The following NUP214 variants were observed in gnomAD, a reference collection of about 807,000 sequenced individuals.
NUP214 encodes nucleoporin 214.
Under a neutral mutation model 196.2 loss-of-function variants are expected in NUP214, and 79 were observed. That is an observed-to-expected ratio of 0.40 (90% CI 0.34 to 0.49). The LOEUF is 0.49. Among genes scored for constraint, NUP214 ranks in the 20% least tolerant of loss-of-function variants. The probability of loss-of-function intolerance (pLI) is 0.58; values close to 1 mark genes in which losing one functional copy is unlikely to be tolerated. For synonymous variants in NUP214, 1,020 were observed against 990.5 expected (o/e 1.03, Z -0.56); for missense variants, 2,468 against 2,539.0 (o/e 0.97, Z 0.60).
At chr9:131,162,038 GCAT>G (rs1470173004) in intron 18 of NUP214, among the ~76,000 whole-genome samples, 2 of 152,044 alleles carry the variant, frequency 1.3e-5, no homozygotes, top group Non-Finnish European at 2.9e-5. Context: ...TTATCAGCCA[GCAT>G]TAGTATATTT....
rs1832279410 is a variant in NUP214 at position 131,151,907 on chromosome 9, T to A, written c.2436+13T>A. ...AGCTCAGCTTCAGGTAGGAGATCTATGTAAATCTGTTTAAAAGATTTAAAA... is the reference window on the plus strand; with the variant it reads ...AGCTCAGCTTCAGGTAGGAGATCTAAGTAAATCTGTTTAAAAGATTTAAAA... On this transcript the variant is annotated intron_variant, in intron 17 of 35. Coordinates refer to ENST00000359428, the MANE Select transcript of NUP214 (RefSeq NM_005085.4). 1 of 1,570,502 alleles carries A rather than the reference T, an allele frequency of 6.4e-7. No individual in the cohort carries two copies. Among genetic ancestry groups the A allele is most frequent in the Non-Finnish European group, 8.6e-7 (1 of 1,162,856 alleles).
chr9:131,163,010 C>T lies in NUP214; in HGVS notation c.2560C>T (p.Arg854Ter), dbSNP rs1162868768. The change falls in exon 19 of 36, where the codon CGA (arginine) becomes TGA (stop). Residue 854 changes from arginine (R) to a stop codon, truncating the protein, a stop_gained. Transcript: ENST00000359428. LOFTEE classifies it high-confidence loss of function. ...CAACAGGCACCTGCTTGTGCCAGAG[C>T]GAGAGACACTGTTTAACACCCTAGC... is the stretch of plus-strand genomic sequence containing the variant. ...KKQRHLLVPE[R>*]ETLFNTLANN... is the part of the protein sequence containing the mutation. 6.2e-7 allele frequency: 1 copy of T among 1,614,130 alleles called. No individual in the cohort carries two copies. The highest frequency in any genetic ancestry group is 8.5e-7 in the Non-Finnish European group (1 of 1,180,004).
intron 5 of NUP214, among the ~76,000 whole-genome samples, chr9:131,131,310 T>C (rs1831538691): frequency 6.6e-6 from 1 of 152,266 alleles, no homozygotes; most frequent in Non-Finnish European, 1.5e-5. Flanking sequence ...AGAAAATGGA[T>C]ACTCTTGTTG....
chr9:131,129,682 C>T (rs1287866025), intron 4 of NUP214, among the ~76,000 whole-genome samples: 2 of 152,048 alleles, frequency 1.3e-5, no homozygotes, highest in Non-Finnish European at 2.9e-5. Flanking sequence ...TCAGCCACTG[C>T]AACCTCCACC....
At chr9:131,183,273 C>T (rs1044275127) in intron 24 of NUP214, among the ~76,000 whole-genome samples, 1 of 152,116 alleles carries the variant, frequency 6.6e-6, no homozygotes, top group Non-Finnish European at 1.5e-5. Context: ...TTGGTAGAGA[C>T]GGGGTTTCGC....
intron 27 of NUP214, 104 bp downstream of exon 27, chr9:131,192,396 A>T: frequency 1.5e-6 from 1 of 673,606 alleles, no homozygotes; most frequent in Non-Finnish European, 2.5e-6. Context: ...GTATGAACCC[A>T]GAGTTCTTAC....
chr9:131,215,316 C>G lies in NUP214; in HGVS notation c.5697C>G (p.Asn1899Lys). 1 of 1,608,810 alleles carries G rather than the reference C, an allele frequency of 6.2e-7. No individual in the cohort carries two copies. ...LGGKPSQDAA[N>K]KNPFSSASGG... ...GAAAACCCAGTCAGGATGCAGCCAACAAAAACCCATTCAGCTCGGCCAGTG... is the reference window on the plus strand; with the variant it reads ...GAAAACCCAGTCAGGATGCAGCCAAGAAAAACCCATTCAGCTCGGCCAGTG... The change falls in exon 31 of 36, where the codon AAC becomes AAG. Residue 1899 changes from asparagine to lysine, a missense_variant. By Grantham distance (94) the Asn-to-Lys change is moderately conservative (BLOSUM62 0). Around this residue, in one of 5 missense-constraint regions of NUP214, gnomAD observed 262 missense variants for 296.5 expected, o/e 0.88. Coordinates refer to ENST00000359428, the MANE Select transcript of NUP214 (RefSeq NM_005085.4).
chr9:131,227,561 TA>T (rs926623372), intron 32 of NUP214, among the ~76,000 whole-genome samples: 9 of 151,552 alleles, frequency 5.9e-5, no homozygotes, highest in African/African-American at 2.2e-4. Flanking sequence ...AGGCTGTAAA[TA>T]AATAAAAAGC....
Position 131,139,496 on chromosome 9 carries a change from T to G in NUP214, c.1132+89T>G. The G allele has an allele frequency of 1.9e-6, 3 of 1,549,776 alleles. No individual in the cohort carries two copies. The African/African-American group carries it at 4.2e-5, about 22-fold the overall frequency. ...CACCAGTTACATGTTACTGACAGAG[T>G]CTACTCTGCTGGGCACTTGTAGCTT... On this transcript the variant is annotated intron_variant, in intron 10 of 35. Coordinates refer to ENST00000359428, the MANE Select transcript of NUP214 (RefSeq NM_005085.4).
At chr9:131,159,872 C>A (rs1286846925) in intron 18 of NUP214, among the ~76,000 whole-genome samples, 7 of 147,000 alleles carry the variant, frequency 4.8e-5, no homozygotes, top group Admixed American at 6.7e-5. Flanking sequence ...AAAAAAAAAA[C>A]AAGAAAGAGA....
rs66652901 is a variant in NUP214, at chr9:131,192,169, C to CTTTTT, written c.3575-17_3575-13dup. 347 of 447,470 alleles carry CTTTTT rather than the reference C, an allele frequency of 7.8e-4. 20 individuals are homozygous for CTTTTT. The highest frequency in any genetic ancestry group is 2.1e-3 in the South Asian group (66 of 31,974). The allele number at this position is 447,470 out of a possible 1,614,324, so 27.7% of individuals were successfully genotyped here. ...AGTGTTTCTGTCTTTTTGTAATATTCTTTTTTTTTTTTTTTTTTTTTTTTT... is the reference window on the plus strand; with the variant it reads ...AGTGTTTCTGTCTTTTTGTAATATTCTTTTTTTTTTTTTTTTTTTTTTTTTTTTTT... On this transcript the variant is annotated intron_variant, in intron 26 of 35. Coordinates refer to ENST00000359428, the MANE Select transcript of NUP214 (RefSeq NM_005085.4).
chr9:131,174,227 T>G lies in NUP214; in HGVS notation c.3066T>G (p.Pro1022=). The change falls in exon 22 of 36, where the codon CCT becomes CCG. Residue 1022 remains proline, a synonymous_variant. Transcript: ENST00000359428. ...APRHAPVVRT[P]SIQPSLLPHA... The stretch of plus-strand genomic sequence containing the variant: ...GGCACGCCCCCGTGGTTCGCACTCC[T>G]TCCATCCAGCCCAGTCTCTTGCCCC... The G allele has an allele frequency of 6.2e-7, 1 of 1,614,000 alleles. No homozygotes were observed. Among genetic ancestry groups the G allele is most frequent in the South Asian group, 1.1e-5 (1 of 91,068 alleles).
chr9:131,129,184 A>C, intron 3 of NUP214, 95 bp from the exon 4 acceptor site: 1 of 1,004,916 alleles, frequency 1.0e-6, no homozygotes. Context: ...CTGATTTGAG[A>C]TACCTTGTGT....
intron 27 of NUP214, among the ~76,000 whole-genome samples, chr9:131,193,570 G>T (rs558238348): frequency 7.4e-6 from 1 of 136,004 alleles, no homozygotes; most frequent in Non-Finnish European, 1.5e-5. Flanking sequence ...AAGAATTATT[G>T]CATCCTTTAC....
rs189626255 is a variant in NUP214 at position 131,207,570 on chromosome 9, A to G, written c.5592+5853A>G. ...GTATAACCTTTTATGACCTATCCTCAGAAGTCACAGAACATCACTTAGGCT... is the reference window on the plus strand; with the variant it reads ...GTATAACCTTTTATGACCTATCCTCGGAAGTCACAGAACATCACTTAGGCT... On this transcript the variant is annotated intron_variant, in intron 30 of 35. Coordinates refer to ENST00000359428, the MANE Select transcript of NUP214 (RefSeq NM_005085.4). 7.0e-4 allele frequency among the ~76,000 whole-genome samples: 107 copies of G among 152,384 alleles called. 3 individuals carry two copies. In the East Asian group the frequency reaches 0.02, roughly 28 times the overall value.
At chr9:131,127,977 C>T (rs1831414596) in intron 2 of NUP214, among the ~76,000 whole-genome samples, 1 of 152,172 alleles carries the variant, frequency 6.6e-6, no homozygotes, top group African/African-American at 2.4e-5. Context: ...CTCAGTTGAA[C>T]TTGGGCTCTG....
intron 32 of NUP214, 96 bp from the exon 33 acceptor site, chr9:131,228,064 C>A: frequency 8.1e-7 from 1 of 1,230,474 alleles, no homozygotes; most frequent in Non-Finnish European, 1.1e-6. Flanking sequence ...TTTTTTCTTC[C>A]TATTTTGATT....
chr9:131,141,478 C>CTTTTTTTTT (rs3057295), intron 11 of NUP214, among the ~76,000 whole-genome samples: 4 of 118,714 alleles, frequency 3.4e-5, no homozygotes, highest in Admixed American at 9.2e-5. Context: ...TGAAAAGAAA[C>CTTTTTTTTT]TTTTTTTTTT....
At chr9:131,182,866 T>A (rs981129683) in intron 24 of NUP214, among the ~76,000 whole-genome samples, 7 of 152,236 alleles carry the variant, frequency 4.6e-5, no homozygotes, top group Non-Finnish European at 1.5e-5. Flanking sequence ...ACTTATTGGC[T>A]ATAACTTGGT....
Sources: gnomAD v4.1 joint callset for allele counts (sites outside exome capture counted in the v4.1 genomes callset) on GRCh38, gnomAD v4.1.1 for gene constraint, gnomAD v4.1.1 regional missense constraint, MANE v1.5 for transcripts, NCBI Gene and HGNC (gene_info 2026-07-23, HGNC 2026-07-21) for gene names.